The following PCDHGB3 variants were observed in gnomAD, a reference collection of about 807,000 sequenced individuals.
The protein encoded by PCDHGB3 is protocadherin gamma-B3.
Under a neutral mutation model 59.2 loss-of-function variants are expected in PCDHGB3, and 40 were observed. That is an observed-to-expected ratio of 0.68 (90% CI 0.52 to 0.88). The LOEUF (loss-of-function observed/expected upper bound fraction) is 0.88, where lower values mean the gene tolerates loss of function less well. Ranked by LOEUF, PCDHGB3 falls within the 40% of genes least tolerant of loss-of-function variation. The pLI is 0.00. For missense variants in PCDHGB3, 1,309 were observed against 1,187.9 expected (o/e 1.10, Z -1.50); for synonymous variants, 581 against 503.6 (o/e 1.15, Z -2.06).
chr5:141,485,358 G>T lies in PCDHGB3; in HGVS notation c.2416-9449G>T. 1.2e-6 allele frequency: 2 copies of T among 1,614,100 alleles called. No individual in the cohort carries two copies. Among genetic ancestry groups the T allele is most frequent in the Non-Finnish European group, 1.7e-6 (2 of 1,180,006 alleles). On this transcript the variant is annotated intron_variant, in intron 1 of 3. Coordinates refer to ENST00000576222, the MANE Select transcript of PCDHGB3 (RefSeq NM_018924.5). This position sits in a 1 kb window ranked among gnomAD's most constrained non-coding sequence, Gnocchi z 5.7. ...CTGGATACGGACAGTCTGTCAGCTC[G>T]CAGGCTGCAGGTCGCTGGAGAGGTG...
chr5:141,464,200 G>C (rs1331779739), intron 1 of PCDHGB3, among the ~76,000 whole-genome samples: 1 of 149,856 alleles, frequency 6.7e-6, no homozygotes, highest in Non-Finnish European at 1.5e-5. Flanking sequence ...AGGAGGCGGA[G>C]ATTGCAGTGA....
At chr5:141,390,138 CTA>C (rs770679519) in intron 1 of PCDHGB3, 6 of 1,613,938 alleles carry the variant, frequency 3.7e-6, no homozygotes, top group Non-Finnish European at 5.1e-6. Flanking sequence ...TTCCTACAAT[CTA>C]TGTGTTGCAC....
At chr5:141,428,004 G>C in intron 1 of PCDHGB3, 1 of 1,601,732 alleles carries the variant, frequency 6.2e-7, no homozygotes, top group East Asian at 2.2e-5. Context: ...CGCACTCTTC[G>C]ATATAGTGCC....
intron 1 of PCDHGB3, chr5:141,422,075 G>A (rs1192481253): frequency 1.9e-6 from 3 of 1,612,092 alleles, no homozygotes; most frequent in East Asian, 2.2e-5. Flanking sequence ...TATTCATTTC[G>A]GAACATGGAA....
intron 1 of PCDHGB3, among the ~76,000 whole-genome samples, chr5:141,473,350 G>A (rs28461214): frequency 0.13 from 19,833 of 152,204 alleles, 1,410 homozygotes; most frequent in African/African-American, 0.17. Context: ...CAGTGAGGAT[G>A]CAAGTGGCCA....
At position 141,491,770 on chromosome 5, in the gene PCDHGB3, G is replaced by C. The variant is rs1230581925; in HGVS notation, c.2416-3037G>C. 1 of 1,560,888 alleles carries C rather than the reference G, an allele frequency of 6.4e-7. No individual in the cohort carries two copies. Among genetic ancestry groups the C allele is most frequent in the Non-Finnish European group, 8.7e-7 (1 of 1,154,942 alleles). On this transcript the variant is annotated intron_variant, in intron 1 of 3. Coordinates refer to ENST00000576222, the MANE Select transcript of PCDHGB3 (RefSeq NM_018924.5). This position sits in a 1 kb window ranked among gnomAD's most constrained non-coding sequence, Gnocchi z 6.9. ...TGGAGAAGCCGCCCGTCCTCATAAG[G>C]GATTGAACTTGCATCCACTCCTCTC...
intron 1 of PCDHGB3, chr5:141,400,280 CCG>C (rs769084717): frequency 1.2e-5 from 19 of 1,613,948 alleles, no homozygotes; most frequent in Non-Finnish European, 1.4e-5. Context: ...TCCAGCCCTG[CCG>C]CCTGGAGCTG....
chr5:141,408,540 C>A (rs201370009), intron 1 of PCDHGB3: 1 of 1,614,046 alleles, frequency 6.2e-7, no homozygotes. Flanking sequence ...GTGGAAAATC[C>A]TTTAAATATT....
chr5:141,370,908 C>T lies in PCDHGB3; in HGVS notation c.514C>T (p.Leu172Phe), dbSNP rs372602970. 1 of 1,614,028 alleles carries T rather than the reference C, an allele frequency of 6.2e-7. No individual in the cohort carries two copies. The highest frequency in any genetic ancestry group is 2.2e-5 in the East Asian group (1 of 44,886). Residue 172 changes from leucine to phenylalanine, a missense_variant, in exon 1 of 4, where the codon CTC (leucine) becomes TTC (phenylalanine). By Grantham distance (22) the Leu-to-Phe change is conservative. Coordinates refer to ENST00000576222, the MANE Select transcript of PCDHGB3 (RefSeq NM_018924.5). Reference sequence around the variant, plus strand: ...TGTCAATTCGCTGCAGCAGTACTACCTCAGCCCTGATCCGCACTTCTCTTT... The same window carrying T: ...TGTCAATTCGCTGCAGCAGTACTACTTCAGCCCTGATCCGCACTTCTCTTT... The part of the protein sequence containing the change: ...VGVNSLQQYY[L>F]SPDPHFSLIQ...
intron 1 of PCDHGB3, chr5:141,398,793 A>C (rs376843278): frequency 6.2e-7 from 1 of 1,613,948 alleles, no homozygotes; most frequent in African/African-American, 1.3e-5. Context: ...ATCCACCCCT[A>C]AGCGGCACCA....
At chr5:141,460,331 A>T (rs537463160) in intron 1 of PCDHGB3, among the ~76,000 whole-genome samples, 3 of 152,212 alleles carry the variant, frequency 2.0e-5, no homozygotes, top group African/African-American at 7.2e-5. Flanking sequence ...AAAACTTATG[A>T]TGATTTTCTC....
At chr5:141,421,985 C>A (rs762388624) in intron 1 of PCDHGB3, 1 of 1,608,432 alleles carries the variant, frequency 6.2e-7, no homozygotes, top group East Asian at 2.2e-5. Flanking sequence ...GTGAGTGTTC[C>A]AGAAAACATC....
intron 2 of PCDHGB3, among the ~76,000 whole-genome samples, chr5:141,498,962 A>G (rs1257746192): frequency 8.0e-6 from 1 of 124,866 alleles, no homozygotes; most frequent in Non-Finnish European, 1.7e-5. Context: ...AGAGAGAGGG[A>G]GGGAGGGAGG....
intron 1 of PCDHGB3, among the ~76,000 whole-genome samples, chr5:141,401,627 G>A (rs998564450): frequency 6.6e-6 from 1 of 152,176 alleles, no homozygotes; most frequent in African/African-American, 2.4e-5. Flanking sequence ...TTGTCTTATC[G>A]TTTGGAGCTT....
intron 1 of PCDHGB3, chr5:141,398,625 T>C (rs777533974): frequency 6.2e-7 from 1 of 1,614,046 alleles, no homozygotes; most frequent in South Asian, 1.1e-5. Context: ...GCTTAAACTC[T>C]CTGCAGAAGT....
chr5:141,379,889 C>CTTTTTTTTTTTTTTTTTTTTTTTTTTTT lies in PCDHGB3; in HGVS notation c.2415+7083_2415+7110dup, dbSNP rs70988800. On this transcript the variant is annotated intron_variant, in intron 1 of 3. Transcript: ENST00000576222. The stretch of plus-strand genomic sequence containing the variant: ...CTTATTTTATGGTCTGTGAAAGCCT[C>CTTTTTTTTTTTTTTTTTTTTTTTTTTTT]TTTTTTTTTTTTTTTTTTTTTTTTT... Among the ~76,000 whole-genome samples the CTTTTTTTTTTTTTTTTTTTTTTTTTTTT allele has an allele frequency of 5.5e-4, 28 of 50,832 alleles. 8 individuals are homozygous for CTTTTTTTTTTTTTTTTTTTTTTTTTTTT. The highest frequency in any genetic ancestry group is 7.7e-4 in the Non-Finnish European group (20 of 25,882). 33.3% of individuals were successfully genotyped at this position (50,832 alleles called of 152,430 possible). A position where few individuals can be genotyped will look rare whatever the true frequency, so the allele number is the denominator to read the frequency against.
rs1419377760 is a variant in PCDHGB3 at position 141,418,687 on chromosome 5, GATCACTT to G, written c.2415+45881_2415+45887del. ...ACCAGGACGAGGGCATCAACTCAGA[GATCACTT>G]ATTCCTTCTTTGGTGTGGCTGACAA... On this transcript the variant is annotated intron_variant, in intron 1 of 3. Transcript: ENST00000576222. 6 of 1,613,928 alleles carry G rather than the reference GATCACTT, an allele frequency of 3.7e-6. No individual in the cohort carries two copies. In the African/African-American group the frequency reaches 8.0e-5, roughly 22 times the overall value.
At chr5:141,375,536 G>T in intron 1 of PCDHGB3, 1 of 1,613,972 alleles carries the variant, frequency 6.2e-7, no homozygotes, top group Non-Finnish European at 8.5e-7. Flanking sequence ...GGACCAGAAC[G>T]CCCAAGTCTC....
Position 141,376,615 on chromosome 5 carries a change from T to C in PCDHGB3, c.2415+3806T>C, listed in dbSNP as rs917883333. ...GGCTGTTATAGAAGCGAACCTCTTT[T>C]GGTACAGGAAGATTCGTGATTTTGT... On this transcript the variant is annotated intron_variant, in intron 1 of 3. Transcript: ENST00000576222. 24 of 1,439,268 alleles carry C rather than the reference T, an allele frequency of 1.7e-5. 1 individual carries two copies. In the Admixed American group the frequency reaches 2.3e-4, roughly 14 times the overall value. The allele number at this position is 1,439,268 out of a possible 1,614,324, so 89.2% of individuals were successfully genotyped here.
Sources: allele counts gnomAD v4.1 joint callset (sites outside exome capture counted in the v4.1 genomes callset), GRCh38; gene constraint gnomAD v4.1.1; non-coding constraint Gnocchi (gnomAD v3.1); transcripts MANE v1.5; gene names NCBI Gene and HGNC (gene_info 2026-07-23, HGNC 2026-07-21).